ACTR3C: variants seen among roughly 807,000 people sequenced by gnomAD.
ACTR3C encodes the protein actin-related protein 3C.
Under a neutral mutation model 26.3 loss-of-function variants are expected in ACTR3C, and 18 were observed. That is an observed-to-expected ratio of 0.68 (90% confidence interval 0.47 to 1.01). The LOEUF is 1.01. ACTR3C is among the 50% of genes least tolerant of loss of function. ACTR3C has a pLI of 0.00. For missense variants in ACTR3C, 184 were observed against 250.7 expected (o/e 0.73, Z 1.80); for synonymous variants, 55 against 94.5 (o/e 0.58, Z 2.42).
the ACTR3C span, among the ~76,000 whole-genome samples, chr7:150,050,244 A>T: frequency 1.3e-5 from 2 of 152,234 alleles, no homozygotes; most frequent in Non-Finnish European, 2.9e-5. Flanking sequence ...TGAAATATGC[A>T]TGCATATTTT....
chr7:150,108,081 T>A, the ACTR3C span, among the ~76,000 whole-genome samples: 10 of 149,898 alleles, frequency 6.7e-5, no homozygotes, highest in African/African-American at 2.5e-4. Context: ...TCCATAGTGA[T>A]CTGATAGCAG....
the ACTR3C span, among the ~76,000 whole-genome samples, chr7:150,086,698 G>A: frequency 2.6e-5 from 4 of 152,192 alleles, no homozygotes; most frequent in African/African-American, 9.7e-5. Context: ...AGGGCAAAGG[G>A]GAGCGAGGAA....
chr7:150,029,114 T>C, the ACTR3C span, among the ~76,000 whole-genome samples: 6 of 152,046 alleles, frequency 3.9e-5, no homozygotes, highest in South Asian at 1.0e-3. Context: ...CACCACAGGA[T>C]TGCTGTGTCA....
chr7:149,991,379 AC>A, the ACTR3C span, among the ~76,000 whole-genome samples: 1 of 152,166 alleles, frequency 6.6e-6, no homozygotes, highest in Non-Finnish European at 1.5e-5. Flanking sequence ...AGTTCAAAGG[AC>A]CTCAAACTGG....
the ACTR3C span, among the ~76,000 whole-genome samples, chr7:149,998,736 C>T: frequency 6.7e-6 from 1 of 150,324 alleles, no homozygotes; most frequent in East Asian, 2.1e-4. Context: ...GGTGGGGACA[C>T]AGCAGAACCA....
chr7:150,086,338 G>T, the ACTR3C span, among the ~76,000 whole-genome samples: 17 of 152,242 alleles, frequency 1.1e-4, no homozygotes, highest in African/African-American at 3.9e-4. Flanking sequence ...TCATAGATAA[G>T]GTTGGCCTTA....
At chr7:150,040,778 G>C in the ACTR3C span, 1 of 146,714 alleles carries the variant, frequency 6.8e-6, no homozygotes, top group Non-Finnish European at 1.5e-5. Flanking sequence ...AAGAGGGGCT[G>C]GCTCTCAGTC....
chr7:150,169,110 G>A, the ACTR3C span, among the ~76,000 whole-genome samples: 4 of 150,388 alleles, frequency 2.7e-5, no homozygotes, highest in East Asian at 1.9e-4. Flanking sequence ...GGCTGGGCAC[G>A]GTGGCTCACA....
the ACTR3C span, among the ~76,000 whole-genome samples, chr7:149,895,594 C>T: frequency 2.0e-4 from 30 of 152,104 alleles, no homozygotes; most frequent in African/African-American, 5.6e-4. Context: ...CAGAGACTCA[C>T]GAGGCTAAGG....
At chr7:150,036,150 TG>T in the ACTR3C span, among the ~76,000 whole-genome samples, 187 of 94,060 alleles carry the variant, frequency 2.0e-3, 19 homozygotes, top group Non-Finnish European at 3.5e-3. Flanking sequence ...CCCCGCCTCG[TG>T]GGGGGTGCCT....
the ACTR3C span, among the ~76,000 whole-genome samples, chr7:150,118,118 G>T: frequency 6.6e-6 from 1 of 152,140 alleles, no homozygotes; most frequent in East Asian, 1.9e-4. Context: ...AGAAATCCAT[G>T]AAGAGGAGGA....
chr7:150,223,808 T>C, the ACTR3C span, among the ~76,000 whole-genome samples: 4 of 152,226 alleles, frequency 2.6e-5, no homozygotes, highest in Non-Finnish European at 5.9e-5. Flanking sequence ...AGGCATGGCT[T>C]AGCTCTGTCC....
chr7:149,938,644 A>C, the ACTR3C span, among the ~76,000 whole-genome samples: 2 of 152,098 alleles, frequency 1.3e-5, no homozygotes, highest in Non-Finnish European at 2.9e-5. Flanking sequence ...AGAAAAGAAA[A>C]TGGGGGTTGG....
chr7:149,982,978 C>T, the ACTR3C span, among the ~76,000 whole-genome samples: 17 of 152,130 alleles, frequency 1.1e-4, 1 homozygote, highest in Non-Finnish European at 1.5e-5. Context: ...AAAGGAAAAG[C>T]GTTTAACTTT....
chr7:150,181,625 C>T, the ACTR3C span, among the ~76,000 whole-genome samples: 219 of 150,704 alleles, frequency 1.5e-3, 3 homozygotes, highest in East Asian at 0.013. Flanking sequence ...ATATATATAG[C>T]ACCCATTTCC....
the ACTR3C span, among the ~76,000 whole-genome samples, chr7:149,959,221 C>T: frequency 2.5e-4 from 4 of 15,890 alleles, no homozygotes; most frequent in African/African-American, 5.2e-4. Flanking sequence ...ATAATTAGCT[C>T]GCCCCCCACC....
chr7:150,153,339 T>C, the ACTR3C span, among the ~76,000 whole-genome samples: 2 of 149,008 alleles, frequency 1.3e-5, no homozygotes, highest in Admixed American at 6.8e-5. Context: ...AAAGGGCTAA[T>C]ATCCAGAATC....
At chr7:150,253,884 G>T (rs1335712607) in intron 6 of ACTR3C, among the ~76,000 whole-genome samples, 1 of 150,916 alleles carries the variant, frequency 6.6e-6, no homozygotes, top group Admixed American at 6.6e-5. Flanking sequence ...GCTGTTGCAG[G>T]GTTGCTAAGT....
the ACTR3C span, among the ~76,000 whole-genome samples, chr7:150,234,544 T>G: frequency 4.6e-5 from 7 of 152,218 alleles, 1 homozygote; most frequent in South Asian, 1.5e-3. Flanking sequence ...CCCCAGGAGT[T>G]TATCACTCTC....
Sources: allele counts gnomAD v4.1 joint callset (sites outside exome capture counted in the v4.1 genomes callset), GRCh38; gene constraint gnomAD v4.1.1; transcripts MANE v1.5; gene names NCBI Gene and HGNC (gene_info 2026-07-23, HGNC 2026-07-21).